Variants in NCBP3 observed in about 807,000 individuals in gnomAD.
NCBP3 encodes the protein nuclear cap-binding protein subunit 3.
Under a neutral mutation model 75.7 loss-of-function variants are expected in NCBP3, and 20 were observed. That is an observed-to-expected ratio of 0.26 (90% CI 0.19 to 0.38). The LOEUF (loss-of-function observed/expected upper bound fraction) is 0.38. NCBP3 is among the 10% of genes least tolerant of loss of function. The pLI is 1.00. For missense variants in NCBP3, 678 were observed against 796.9 expected, an observed-to-expected ratio of 0.85 and a Z score of 1.80; for synonymous variants, 293 against 290.5, an observed-to-expected ratio of 1.01 and a Z score of -0.09.
At chr17:3,838,881 T>C (rs1294187982) in intron 3 of NCBP3, among the ~76,000 whole-genome samples, 1 of 152,230 alleles carries the variant, frequency 6.6e-6, no homozygotes, top group Non-Finnish European at 1.5e-5. Flanking sequence ...ATAGCAGCTA[T>C]TCTTTCATTC....
intron 3 of NCBP3, among the ~76,000 whole-genome samples, chr17:3,837,981 T>TTAA (rs2054004185): frequency 6.9e-6 from 1 of 144,854 alleles, no homozygotes; most frequent in African/African-American, 2.7e-5. Flanking sequence ...AGTTGTACGT[T>TTAA]AAAAAAAAAA....
chr17:3,846,127 C>G lies in NCBP3; in HGVS notation c.97G>C (p.Asp33His). Residue 33 changes from aspartate to histidine, a missense_variant, in exon 1 of 13, where the codon GAC becomes CAC. Asp to His is a moderately conservative substitution (Grantham distance 81). Around this residue, in one of 7 missense-constraint regions of NCBP3, gnomAD observed 76 missense variants for 53.8 expected, o/e 1.41. Transcript: ENST00000389005. The surrounding 1 kb of genome is among the most constrained non-coding windows in gnomAD (Gnocchi z 4.6). ...TCCATGGGCTCCGGCTCGCCACGGT[C>G]AACACCGGACTCCGCCTCAGGGGAC... ...LPSPEAESGVDRGEPEPMEVE... is the reference protein window; with the variant it reads ...LPSPEAESGVHRGEPEPMEVE... The G allele has an allele frequency of 6.5e-7, 1 of 1,544,914 alleles. No individual in the cohort carries two copies. The highest frequency in any genetic ancestry group is 8.7e-7 in the Non-Finnish European group (1 of 1,144,336).
At position 3,825,006 on chromosome 17, in the gene NCBP3, G is replaced by A. The variant is rs761914354; in HGVS notation, c.732C>T (p.Asn244=). ...CAAGTTTGTTAGCTGGACGAAGATC[G>A]TTTCTTAACAAAGACTCCTCTTCTA... ...SQVEEESLLR[N]DLRPANKLAK... The change falls in exon 7 of 13, where the codon AAC becomes AAT. Residue 244 remains asparagine, a synonymous_variant. Transcript: ENST00000389005. 27 of 1,545,104 alleles carry A rather than the reference G, an allele frequency of 1.7e-5. No homozygotes were observed. Among genetic ancestry groups the A allele is most frequent in the African/African-American group, 6.9e-5 (5 of 72,820 alleles).
At chr17:3,829,416 A>C (rs1173431105) in intron 3 of NCBP3, 48 bp from the exon 4 acceptor site, 3 of 1,543,516 alleles carry the variant, frequency 1.9e-6, no homozygotes, top group Non-Finnish European at 2.6e-6. Flanking sequence ...CCTGTCCGCA[A>C]CTGCACATCC....
Position 3,825,855 on chromosome 17 carries a change from T to C in NCBP3, c.611-12A>G. 1 of 1,544,072 alleles carries C rather than the reference T, an allele frequency of 6.5e-7. No individual in the cohort carries two copies. The highest frequency in any genetic ancestry group is 8.8e-7 in the Non-Finnish European group (1 of 1,140,886). On this transcript the variant is annotated splice_polypyrimidine_tract_variant and intron_variant, in intron 5 of 12. Transcript: ENST00000389005. ...GTCTTCCTGCTTGTCTAAAATGGAA[T>C]GTGAAGGACAAGATGAAACAAGATA...
intron 10 of NCBP3, among the ~76,000 whole-genome samples, 157 bp from the exon 11 acceptor site, chr17:3,816,427 T>C (rs1036470577): frequency 4.6e-5 from 7 of 152,250 alleles, no homozygotes; most frequent in Admixed American, 3.9e-4. Context: ...ATTATTTGCT[T>C]ATGGAAACCA....
Position 3,818,708 on chromosome 17 carries a change from T to G in NCBP3, c.1001-136A>C. ...TTTATTGGAGCACTATCTATAATAGTGCCAAATGGACATTACTCTGATACT... is the reference window on the plus strand; with the variant it reads ...TTTATTGGAGCACTATCTATAATAGGGCCAAATGGACATTACTCTGATACT... On this transcript the variant is annotated intron_variant, in intron 9 of 12. Coordinates refer to ENST00000389005, the MANE Select transcript of NCBP3 (RefSeq NM_001114118.3). The surrounding 1 kb of genome is among the most constrained non-coding windows in gnomAD (Gnocchi z 4.7). 2.1e-6 allele frequency: 2 copies of G among 937,786 alleles called. No individual in the cohort carries two copies. The highest frequency in any genetic ancestry group is 3.4e-5 in the South Asian group (2 of 58,556). 58.1% of individuals were successfully genotyped at this position (937,786 alleles called of 1,614,324 possible).
chr17:3,845,811 G>A (rs1216639719), intron 1 of NCBP3, among the ~76,000 whole-genome samples: 1 of 151,820 alleles, frequency 6.6e-6, no homozygotes, highest in African/African-American at 2.4e-5. Context: ...CCAGCTCTCC[G>A]CCACCACCCC....
intron 7 of NCBP3, 108 bp from the exon 8 acceptor site, chr17:3,822,160 C>T (rs1597398932): frequency 4.0e-6 from 3 of 752,006 alleles, no homozygotes; most frequent in Non-Finnish European, 4.4e-6. Context: ...GCGCAATTTG[C>T]CAACAAAAAG....
At chr17:3,836,075 G>A (rs2053967083) in intron 3 of NCBP3, among the ~76,000 whole-genome samples, 2 of 152,212 alleles carry the variant, frequency 1.3e-5, no homozygotes, top group African/African-American at 4.8e-5. Context: ...TGACACAGCA[G>A]AGCGACTGGC....
intron 11 of NCBP3, 76 bp from the exon 12 acceptor site, chr17:3,814,559 CGGATCT>C: frequency 1.3e-6 from 2 of 1,492,892 alleles, no homozygotes; most frequent in Non-Finnish European, 1.8e-6. Context: ...ACACCTCTAA[CGGATCT>C]GGCGCTAACC....
In NCBP3 at chr17:3,812,967, G is replaced by A. The variant is rs1477278152; in HGVS notation, c.*77C>T. 1 of 1,584,884 alleles carries A rather than the reference G, an allele frequency of 6.3e-7. No individual in the cohort carries two copies. Among genetic ancestry groups the A allele is most frequent in the African/African-American group, 1.4e-5 (1 of 73,762 alleles). Reference sequence around the variant, plus strand: ...GAGCGAGAGGGCGCCAGCTCCTGCGGGGGAGGTTCCTACTGCGCGCCCCAC... The same window carrying A: ...GAGCGAGAGGGCGCCAGCTCCTGCGAGGGAGGTTCCTACTGCGCGCCCCAC... On this transcript the variant is annotated 3_prime_UTR_variant, in exon 13 of 13. Transcript: ENST00000389005.
At chr17:3,828,582 A>C (rs2053826362) in intron 4 of NCBP3, among the ~76,000 whole-genome samples, 2 of 152,176 alleles carry the variant, frequency 1.3e-5, no homozygotes, top group Non-Finnish European at 2.9e-5. Context: ...GAAGTAAGTC[A>C]AGACAAGAAG....
intron 3 of NCBP3, among the ~76,000 whole-genome samples, chr17:3,838,857 C>A (rs2054019406): frequency 6.6e-6 from 1 of 152,136 alleles, no homozygotes; most frequent in African/African-American, 2.4e-5. Context: ...AGTAAAAAAG[C>A]AAGTTCACAA....
chr17:3,813,057 T>C lies in NCBP3; in HGVS notation c.1850A>G (p.Glu617Gly), dbSNP rs1469849745. The C allele has an allele frequency of 3.7e-6, 6 of 1,614,176 alleles. No individual in the cohort carries two copies. The Admixed American group carries it at 1.0e-4, about 27-fold the overall frequency. The change falls in exon 13 of 13, where the codon GAG becomes GGG. Residue 617 changes from glutamate (E) to glycine (G), a missense_variant. By Grantham distance (98) the Glu-to-Gly change is moderately conservative. Around this residue, in one of 7 missense-constraint regions of NCBP3, gnomAD observed 365 missense variants for 392.7 expected, o/e 0.93. Coordinates refer to ENST00000389005, the MANE Select transcript of NCBP3 (RefSeq NM_001114118.3). ...EVSRESSSGS[E>G]AES ...GCCCCAGGGGCATCAGGACTCTGCCTCTGAACCAGAGCTGCTTTCCCGACT... is the reference window on the plus strand; with the variant it reads ...GCCCCAGGGGCATCAGGACTCTGCCCCTGAACCAGAGCTGCTTTCCCGACT...
At chr17:3,838,712 T>C (rs1241388137) in intron 3 of NCBP3, among the ~76,000 whole-genome samples, 1 of 152,242 alleles carries the variant, frequency 6.6e-6, no homozygotes, top group Non-Finnish European at 1.5e-5. Flanking sequence ...CTTTACTAGC[T>C]ACATGACCCT....
rs756021801 is a variant in NCBP3 at position 3,818,408 on chromosome 17, A to C, written c.1165T>G (p.Ser389Ala). 6.2e-7 allele frequency: 1 copy of C among 1,614,032 alleles called. No homozygotes were observed. ...GAGCTGCTGGCACTGGATCGTCTAGACGCGCTCCGCTCCCGGGGCTGCTTG... is the reference window on the plus strand; with the variant it reads ...GAGCTGCTGGCACTGGATCGTCTAGCCGCGCTCCGCTCCCGGGGCTGCTTG... Reference protein sequence around the residue: ...ALKQPRERSASRRSSASSSDS... With the variant: ...ALKQPRERSAARRSSASSSDS... The change falls in exon 10 of 13, where the codon TCT (serine) becomes GCT (alanine). Residue 389 changes from serine to alanine, a missense_variant. Transcript: ENST00000389005. The surrounding 1 kb of genome is among the most constrained non-coding windows in gnomAD (Gnocchi z 4.7).
chr17:3,810,687 C>T lies in NCBP3; in HGVS notation c.*2357G>A, dbSNP rs553596297. ...GAGAAACTAATAAGGCCAGTAACTC[C>T]GAGAAGTAAAAATCTTTAAAGCTGC... On this transcript the variant is annotated 3_prime_UTR_variant, in exon 13 of 13. Coordinates refer to ENST00000389005, the MANE Select transcript of NCBP3 (RefSeq NM_001114118.3). 1.4e-4 allele frequency: 22 copies of T among 152,238 alleles called. No individual in the cohort carries two copies. Among genetic ancestry groups the T allele is most frequent in the Admixed American group, 8.5e-4 (13 of 15,290 alleles). 9.4% of individuals were successfully genotyped at this position (152,238 alleles called of 1,614,324 possible). A position where few individuals can be genotyped will look rare whatever the true frequency, so the allele number is the denominator to read the frequency against.
In NCBP3 at chr17:3,826,881, C is replaced by T. The variant is rs567337477; in HGVS notation, c.482-666G>A. Reference sequence around the variant, plus strand: ...ACAAAAAATTAGCCGGGCGTGGTGGCGGGCGCCTGTGGTCCCAGCTACTCG... The same window carrying T: ...ACAAAAAATTAGCCGGGCGTGGTGGTGGGCGCCTGTGGTCCCAGCTACTCG... On this transcript the variant is annotated intron_variant, in intron 4 of 12. Coordinates refer to ENST00000389005, the MANE Select transcript of NCBP3 (RefSeq NM_001114118.3). Among the ~76,000 whole-genome samples the T allele has an allele frequency of 1.1e-4, 17 of 151,874 alleles. No individual in the cohort carries two copies. The South Asian group carries it at 2.9e-3, about 26-fold the overall frequency.
Sources: gnomAD v4.1 joint callset for allele counts (sites outside exome capture counted in the v4.1 genomes callset) on GRCh38, gnomAD v4.1.1 for gene constraint, gnomAD v4.1.1 regional missense constraint, Gnocchi (gnomAD v3.1) non-coding constraint, MANE v1.5 for transcripts, NCBI Gene and HGNC (gene_info 2026-07-23, HGNC 2026-07-21) for gene names.